The following MKRN1 variants were observed in gnomAD, a reference collection of about 807,000 sequenced individuals.
The protein encoded by MKRN1 is E3 ubiquitin-protein ligase makorin-1.
MKRN1 carries 9 observed loss-of-function variants against 55.5 expected under a neutral mutation model. The ratio of observed to expected loss-of-function variants is 0.16; its 90% CI spans 0.10 to 0.28. The LOEUF is 0.28. Among genes scored for constraint, MKRN1 ranks in the 10% least tolerant of loss-of-function variants. MKRN1 has a pLI of 1.00. For synonymous variants in MKRN1, 253 were observed against 235.9 expected, an observed-to-expected ratio of 1.07 and a Z score of -0.66; for missense variants, 488 against 626.7, an observed-to-expected ratio of 0.78 and a Z score of 2.36.
At chr7:140,457,933 G>A (rs1310111101) in intron 4 of MKRN1, among the ~76,000 whole-genome samples, 1 of 152,068 alleles carries the variant, frequency 6.6e-6, no homozygotes, top group Non-Finnish European at 1.5e-5. Context: ...CTTATAACAT[G>A]CCTCACACCC....
Position 140,471,891 on chromosome 7 carries a change from G to A in MKRN1, c.306C>T (p.Asp102=), listed in dbSNP as rs368299978. ...YFQRGYCIYG[D]RCRYEHSKPL... Reference sequence around the variant, plus strand: ...TATAAACAAATTCTTACCTGCAGCGGTCTCCATAAATACAGTACCCTCGCT... The same window carrying A: ...TATAAACAAATTCTTACCTGCAGCGATCTCCATAAATACAGTACCCTCGCT... Residue 102 remains aspartate (D), a synonymous_variant, in exon 2 of 8, where the codon GAC becomes GAT. Coordinates refer to ENST00000255977, the MANE Select transcript of MKRN1 (RefSeq NM_013446.4). 1.9e-6 allele frequency: 3 copies of A among 1,612,656 alleles called. No homozygotes were observed. The highest frequency in any genetic ancestry group is 1.7e-6 in the Non-Finnish European group (2 of 1,179,556).
intron 3 of MKRN1, among the ~76,000 whole-genome samples, chr7:140,459,482 T>C (rs576164073): frequency 1.3e-5 from 2 of 152,312 alleles, no homozygotes; most frequent in South Asian, 4.1e-4. Flanking sequence ...TTTCAAAAAG[T>C]ACTCGAAAGG....
intron 2 of MKRN1, among the ~76,000 whole-genome samples, chr7:140,462,719 T>C (rs1459488222): frequency 1.3e-5 from 2 of 151,196 alleles, no homozygotes; most frequent in Admixed American, 6.6e-5. Context: ...AATCCCAGCA[T>C]TTTGGGAGGC....
At chr7:140,463,693 G>T (rs540795508) in intron 2 of MKRN1, among the ~76,000 whole-genome samples, 7 of 151,908 alleles carry the variant, frequency 4.6e-5, no homozygotes, top group South Asian at 2.1e-4. Context: ...AGACCATCCT[G>T]GCTAACACGG....
chr7:140,459,898 G>T lies in MKRN1; in HGVS notation c.353C>A (p.Thr118Asn). 6.2e-7 allele frequency: 1 copy of T among 1,613,940 alleles called. No individual in the cohort carries two copies. Among genetic ancestry groups the T allele is most frequent in the Non-Finnish European group, 8.5e-7 (1 of 1,179,858 alleles). The stretch of plus-strand genomic sequence containing the variant: ...TGACTTTGTAGTTAGCTCTGTAGCA[G>T]TTGCTTCTTCCTGTTTCAATGGTTT... ...HSKPLKQEEA[T>N]ATELTTKSSL... Residue 118 changes from threonine (T) to asparagine (N), a missense_variant, in exon 3 of 8, where the codon ACT becomes AAT. Thr to Asn is a moderately conservative substitution (Grantham distance 65). This residue lies in a region of MKRN1 where 210 missense variants were observed against 220.0 expected (regional missense o/e 0.95). Coordinates refer to ENST00000255977, the MANE Select transcript of MKRN1 (RefSeq NM_013446.4).
chr7:140,467,492 G>T (rs1025861460), intron 2 of MKRN1, among the ~76,000 whole-genome samples: 11 of 151,884 alleles, frequency 7.2e-5, no homozygotes, highest in South Asian at 4.2e-4. Flanking sequence ...TGGCCAGGCT[G>T]GTCTTGAAAT....
At chr7:140,475,595 T>A (rs1253557761) in intron 1 of MKRN1, among the ~76,000 whole-genome samples, 1 of 151,750 alleles carries the variant, frequency 6.6e-6, no homozygotes, top group Non-Finnish European at 1.5e-5. Flanking sequence ...GCCTGGGAGG[T>A]GGAGGCTGCA....
At chr7:140,460,650 G>A (rs1794593395) in intron 2 of MKRN1, among the ~76,000 whole-genome samples, 1 of 152,178 alleles carries the variant, frequency 6.6e-6, no homozygotes, top group South Asian at 2.1e-4. Context: ...CAATGTGCCT[G>A]TATTTGTGAG....
chr7:140,460,711 C>G (rs543273586), intron 2 of MKRN1, among the ~76,000 whole-genome samples: 1 of 152,298 alleles, frequency 6.6e-6, no homozygotes, highest in East Asian at 1.9e-4. Flanking sequence ...ATGTGTGATG[C>G]CAAGACTGCT....
chr7:140,461,362 G>C (rs1213571071), intron 2 of MKRN1, among the ~76,000 whole-genome samples: 1 of 152,084 alleles, frequency 6.6e-6, no homozygotes, highest in Non-Finnish European at 1.5e-5. Context: ...CTTCTTTCTG[G>C]CCTGGTGCGG....
intron 1 of MKRN1, 146 bp downstream of exon 1, chr7:140,479,014 C>T (rs1446014329): frequency 9.8e-7 from 1 of 1,025,482 alleles, no homozygotes; most frequent in Non-Finnish European, 1.2e-6. Flanking sequence ...CAGCGGGGGC[C>T]GCGAGGGCTG....
intron 1 of MKRN1, among the ~76,000 whole-genome samples, chr7:140,474,912 T>C (rs7779827): frequency 0.27 from 40,404 of 151,184 alleles, 9,295 homozygotes; most frequent in African/African-American, 0.63. Context: ...AGAGAACGGG[T>C]TTCGTCATGT....
intron 3 of MKRN1, 122 bp downstream of exon 3, chr7:140,459,585 A>T: frequency 1.1e-6 from 1 of 917,912 alleles, no homozygotes. Flanking sequence ...AAATTAAAGT[A>T]CTGTACTAAG....
rs931431975 is a variant in MKRN1 at position 140,454,527 on chromosome 7, A to G, written c.1439T>C (p.Leu480Ser). The G allele has an allele frequency of 6.2e-7, 1 of 1,611,746 alleles. No homozygotes were observed. The highest frequency in any genetic ancestry group is 8.5e-7 in the Non-Finnish European group (1 of 1,179,716). Residue 480 changes from leucine to serine, a missense_variant, in exon 8 of 8, where the codon TTG (leucine) becomes TCG (serine). Physicochemically the swap from Leu to Ser is moderately radical, Grantham distance 145. Coordinates refer to ENST00000255977, the MANE Select transcript of MKRN1 (RefSeq NM_013446.4). The stretch of plus-strand genomic sequence containing the variant: ...CGCCACGCAAGGTTGCTATAGATCC[A>G]AGTCATAAAAATCTTCCAGCTCATC... ...FHDELEDFYDLDL is the reference protein window; with the variant it reads ...FHDELEDFYDSDL
chr7:140,467,980 C>A (rs1277493987), intron 2 of MKRN1, among the ~76,000 whole-genome samples: 15 of 119,606 alleles, frequency 1.3e-4, no homozygotes, highest in African/African-American at 5.2e-4. Flanking sequence ...CCAGCCTGGG[C>A]AACAAGAGCG....
Position 140,456,781 on chromosome 7 carries a change from T to C in MKRN1, c.857A>G (p.Glu286Gly). 1 of 1,613,896 alleles carries C rather than the reference T, an allele frequency of 6.2e-7. No individual in the cohort carries two copies. The highest frequency in any genetic ancestry group is 8.5e-7 in the Non-Finnish European group (1 of 1,179,900). ...SKDMVCGICMEVVYEKANPSE... is the reference protein window; with the variant it reads ...SKDMVCGICMGVVYEKANPSE... The stretch of plus-strand genomic sequence containing the variant: ...GGGGTTGGCTTTCTCATAGACCACC[T>C]CCATGCAGATCCCACACACCATGTC... The change falls in exon 5 of 8, where the codon GAG becomes GGG. Residue 286 changes from glutamate to glycine, a missense_variant. Physicochemically the swap from Glu to Gly is moderately conservative, Grantham distance 98. This residue lies in a region of MKRN1 where 278 missense variants were observed against 406.7 expected (regional missense o/e 0.68). Transcript: ENST00000255977.
chr7:140,470,556 GC>G (rs1229248661), intron 2 of MKRN1, among the ~76,000 whole-genome samples: 1 of 152,032 alleles, frequency 6.6e-6, no homozygotes, highest in Non-Finnish European at 1.5e-5. Flanking sequence ...CTGCACTCCA[GC>G]CTGGGCGACA....
chr7:140,473,689 T>G (rs1795000880), intron 1 of MKRN1: 1 of 152,652 alleles, frequency 6.6e-6, no homozygotes, highest in African/African-American at 2.4e-5. Context: ...ACATAATATA[T>G]ACTTGTTAGA....
intron 2 of MKRN1, 31 bp from the exon 3 acceptor site, chr7:140,459,967 C>G: frequency 6.3e-7 from 1 of 1,581,118 alleles, no homozygotes; most frequent in South Asian, 1.1e-5. Flanking sequence ...AAGCAGTCGG[C>G]CAGTCGTGGT....
Sources: allele counts gnomAD v4.1 joint callset (sites outside exome capture counted in the v4.1 genomes callset), GRCh38; gene constraint gnomAD v4.1.1; regional missense constraint gnomAD v4.1.1; transcripts MANE v1.5; gene names NCBI Gene and HGNC (gene_info 2026-07-23, HGNC 2026-07-21).